TSC1: variants seen among roughly 807,000 people sequenced by gnomAD.
TSC1 encodes the protein hamartin.
A neutral mutation model predicts 124.3 loss-of-function variants in TSC1; 20 were observed. That is an observed-to-expected ratio of 0.16 (90% CI 0.11 to 0.23). TSC1 has a LOEUF of 0.23. Ranked by LOEUF, TSC1 falls within the 10% of genes least tolerant of loss-of-function variation. The pLI, the probability that TSC1 is intolerant of heterozygous loss-of-function variation, is 1.00. For missense variants in TSC1, 1,124 were observed against 1,448.5 expected (o/e 0.78, Z 3.64); for synonymous variants, 493 against 539.1 (o/e 0.91, Z 1.19).
intron 1 of TSC1, among the ~76,000 whole-genome samples, chr9:132,942,667 G>C (rs751670100): frequency 6.6e-6 from 1 of 152,212 alleles, no homozygotes; most frequent in Non-Finnish European, 1.5e-5. Context: ...AGGAATTTAG[G>C]AACGTACCAA....
chr9:132,913,891 GTTTTTTTTTTT>G (rs775823272), intron 8 of TSC1, among the ~76,000 whole-genome samples: 29 of 58,376 alleles, frequency 5.0e-4, no homozygotes, highest in African/African-American at 1.8e-3. Flanking sequence ...GTTTTGTTTT[GTTTTTTTTTTT>G]TTTTTTTTTT....
At chr9:132,898,569 C>T (rs1033378998) in intron 20 of TSC1, among the ~76,000 whole-genome samples, 1 of 152,198 alleles carries the variant, frequency 6.6e-6, no homozygotes, top group African/African-American at 2.4e-5. Context: ...TCGGATAATG[C>T]GGCTGTTCCA....
At position 132,911,543 on chromosome 9, in the gene TSC1, G is replaced by A. The variant is rs1588324777; in HGVS notation, c.939C>T (p.Ser313=). 1 of 1,605,782 alleles carries A rather than the reference G, an allele frequency of 6.2e-7. No homozygotes were observed. The highest frequency in any genetic ancestry group is 2.3e-5 in the East Asian group (1 of 44,300). Residue 313 remains serine, a synonymous_variant, in exon 10 of 23, where the codon TCC becomes TCT. Transcript: ENST00000298552. ...TATTTAACAACATCAGCCGAGACGT[G>A]GAGTAAGGGGTAGAAGTAGCACACC... ...SYGCATSTPY[S]TSRLMLLNMP...
chr9:132,900,874 G>T, intron 19 of TSC1, 37 bp from the exon 20 acceptor site: 2 of 1,613,246 alleles, frequency 1.2e-6, no homozygotes, highest in South Asian at 1.1e-5. Flanking sequence ...AAAATCCGAC[G>T]ACATAAAACT....
intron 2 of TSC1, among the ~76,000 whole-genome samples, chr9:132,931,036 C>T (rs1253563047): frequency 1.3e-5 from 2 of 152,182 alleles, no homozygotes; most frequent in Non-Finnish European, 2.9e-5. Flanking sequence ...ATCTTTGGGC[C>T]ACCACTTTCA....
At position 132,921,575 on chromosome 9, in the gene TSC1, T is replaced by C; in HGVS notation, c.664-139A>G. Reference sequence around the variant, plus strand: ...AGATGGAACCTTGAGAACATTATACTGAGTGAAAGAAGCCAGTCACAAAAG... The same window carrying C: ...AGATGGAACCTTGAGAACATTATACCGAGTGAAAGAAGCCAGTCACAAAAG... On this transcript the variant is annotated intron_variant, in intron 7 of 22. Coordinates refer to ENST00000298552, the MANE Select transcript of TSC1 (RefSeq NM_000368.5). This position sits in a 1 kb window ranked among gnomAD's most constrained non-coding sequence, Gnocchi z 4.3. 1.8e-6 allele frequency: 2 copies of C among 1,109,682 alleles called. No individual in the cohort carries two copies. The highest frequency in any genetic ancestry group is 1.3e-6 in the Non-Finnish European group (1 of 744,040). The allele number at this position is 1,109,682 out of a possible 1,614,324, so 68.7% of individuals were successfully genotyped here.
At chr9:132,912,108 T>C (rs1017039503) in intron 9 of TSC1, among the ~76,000 whole-genome samples, 174 bp downstream of exon 9, 2 of 152,100 alleles carry the variant, frequency 1.3e-5, no homozygotes, top group African/African-American at 4.8e-5. Context: ...TAAATTAAAC[T>C]TGAAGGAGAA....
At position 132,902,406 on chromosome 9, in the gene TSC1, T is replaced by C. The variant is rs566475414; in HGVS notation, c.2391+199A>G. Among the ~76,000 whole-genome samples the C allele has an allele frequency of 4.6e-5, 7 of 152,312 alleles. No homozygotes were observed. The East Asian group carries it at 1.3e-3, about 29-fold the overall frequency. The stretch of plus-strand genomic sequence containing the variant: ...CTGAGACACTAAGGGAGCTACTATA[T>C]GAACCAACAAAGTTGGGGAACCTCT... On this transcript the variant is annotated intron_variant, in intron 18 of 22. Coordinates refer to ENST00000298552, the MANE Select transcript of TSC1 (RefSeq NM_000368.5). The surrounding 1 kb of genome is among the most constrained non-coding windows in gnomAD (Gnocchi z 5.2).
chr9:132,927,124 G>T, intron 4 of TSC1, 77 bp downstream of exon 4: 1 of 1,367,250 alleles, frequency 7.3e-7, no homozygotes, highest in Non-Finnish European at 1.0e-6. Flanking sequence ...CTCAGGACAA[G>T]TTGCACAGTG....
chr9:132,934,120 A>C (rs537410032), intron 2 of TSC1, among the ~76,000 whole-genome samples: 1 of 152,336 alleles, frequency 6.6e-6, no homozygotes, highest in South Asian at 2.1e-4. Flanking sequence ...GCAGACAGTG[A>C]CAGAATACAC....
At chr9:132,898,328 G>C (rs1037908827) in intron 20 of TSC1, among the ~76,000 whole-genome samples, 4 of 152,240 alleles carry the variant, frequency 2.6e-5, no homozygotes, top group African/African-American at 9.6e-5. Flanking sequence ...TGCTCAGAAA[G>C]AAGGCGGAAA....
rs1485254986 is a variant in TSC1, at chr9:132,902,893, GTAAC to G, written c.2209-110_2209-107del. Reference sequence around the variant, plus strand: ...AATAGTCATAAGCTACCCTGAAAATGTAACTAACTACAGACCAAAACTCTTAGAG... The same window carrying G: ...AATAGTCATAAGCTACCCTGAAAATGTAACTACAGACCAAAACTCTTAGAG... On this transcript the variant is annotated intron_variant, in intron 17 of 22. Coordinates refer to ENST00000298552, the MANE Select transcript of TSC1 (RefSeq NM_000368.5). This position sits in a 1 kb window ranked among gnomAD's most constrained non-coding sequence, Gnocchi z 5.2. The G allele has an allele frequency of 2.3e-5, 33 of 1,432,976 alleles. No individual in the cohort carries two copies. Among genetic ancestry groups the G allele is most frequent in the African/African-American group, 5.6e-5 (4 of 71,502 alleles). 88.8% of individuals were successfully genotyped at this position (1,432,976 alleles called of 1,614,324 possible). A position where few individuals can be genotyped will look rare whatever the true frequency, so the allele number is the denominator to read the frequency against.
chr9:132,908,950 G>A (rs562664222), intron 12 of TSC1, among the ~76,000 whole-genome samples: 25 of 140,702 alleles, frequency 1.8e-4, no homozygotes, highest in African/African-American at 6.9e-4. Flanking sequence ...CCAGGCTGGG[G>A]CTGGAATGCA....
rs1206963432 is a variant in TSC1, at chr9:132,894,142, G to A, written c.*2093C>T. The A allele has an allele frequency of 1.7e-5, 4 of 233,412 alleles. No homozygotes were observed. Among genetic ancestry groups the A allele is most frequent in the Non-Finnish European group, 3.4e-5 (4 of 118,002 alleles). The allele number at this position is 233,412 out of a possible 1,614,324, so 14.5% of individuals were successfully genotyped here. A position where few individuals can be genotyped will look rare whatever the true frequency, so the allele number is the denominator to read the frequency against. On this transcript the variant is annotated 3_prime_UTR_variant, in exon 23 of 23. Coordinates refer to ENST00000298552, the MANE Select transcript of TSC1 (RefSeq NM_000368.5). ...TGAGCTGAGGACCCTGTGCAGACAC[G>A]TCCATGGAGCTTCTAGCACAGGCCT...
chr9:132,911,397 G>C, intron 10 of TSC1, 56 bp downstream of exon 10: 1 of 1,364,246 alleles, frequency 7.3e-7, no homozygotes, highest in Non-Finnish European at 1.1e-6. Context: ...CTGACCCAAA[G>C]GGTCAGCTTC....
At chr9:132,914,946 C>A (rs1261350939) in intron 8 of TSC1, among the ~76,000 whole-genome samples, 1 of 152,040 alleles carries the variant, frequency 6.6e-6, no homozygotes. Flanking sequence ...GAGGCCAAGG[C>A]AGGAGATCAC....
intron 8 of TSC1, among the ~76,000 whole-genome samples, chr9:132,917,416 T>G (rs1846320411): frequency 6.6e-6 from 1 of 152,146 alleles, no homozygotes; most frequent in Non-Finnish European, 1.5e-5. Flanking sequence ...CTGCAACCTC[T>G]GCCTCCTGGG....
chr9:132,896,714 C>G lies in TSC1; in HGVS notation c.3016G>C (p.Gly1006Arg), dbSNP rs1242948205. The G allele has an allele frequency of 1.2e-5, 19 of 1,613,786 alleles. No individual in the cohort carries two copies. The East Asian group carries it at 4.2e-4, about 36-fold the overall frequency. The stretch of plus-strand genomic sequence containing the variant: ...TGGCCAGATGCCTCTTCATTGTGCC[C>G]TACCATGGAATCTGAGCACCCGTCA... ...CNDGCSDSMV[G>R]HNEEASGHNG... Residue 1006 changes from glycine (G) to arginine (R), a missense_variant, in exon 23 of 23, where the codon GGG (glycine) becomes CGG (arginine). Physicochemically the swap from Gly to Arg is moderately radical, Grantham distance 125 (BLOSUM62 -2). Around this residue, in one of 5 missense-constraint regions of TSC1, gnomAD observed 325 missense variants for 383.4 expected, o/e 0.85. Transcript: ENST00000298552. The surrounding 1 kb of genome is among the most constrained non-coding windows in gnomAD (Gnocchi z 4.5).
At chr9:132,904,545 T>G in intron 15 of TSC1, 91 bp from the exon 16 acceptor site, 1 of 1,293,096 alleles carries the variant, frequency 7.7e-7, no homozygotes, top group Non-Finnish European at 1.1e-6. Flanking sequence ...TTAGATCACT[T>G]CCTTGTGGTC....
Sources: allele counts gnomAD v4.1 joint callset (sites outside exome capture counted in the v4.1 genomes callset), GRCh38; gene constraint gnomAD v4.1.1; regional missense constraint gnomAD v4.1.1; non-coding constraint Gnocchi (gnomAD v3.1); transcripts MANE v1.5; gene names NCBI Gene and HGNC (gene_info 2026-07-23, HGNC 2026-07-21).